ZZEF1: variants seen among roughly 807,000 people sequenced by gnomAD.
ZZEF1 encodes zinc finger ZZ-type and EF-hand domain-containing protein 1.
In ZZEF1, 157 loss-of-function variants were observed where a neutral mutation model predicts 342.8. The observed-to-expected ratio is 0.46, with a 90% CI of 0.40 to 0.52. The LOEUF is 0.52. ZZEF1 is among the 20% of genes least tolerant of loss of function. ZZEF1 has a pLI of 0.00. For synonymous variants in ZZEF1, 1,505 were observed against 1,429.1 expected, an observed-to-expected ratio of 1.05 and a Z score of -1.20; for missense variants, 3,480 against 3,725.6, an observed-to-expected ratio of 0.93 and a Z score of 1.72.
In ZZEF1 at chr17:4,070,893, T is replaced by C; in HGVS notation, c.3866A>G (p.His1289Arg). ...TGACTGGGCAAAATCAAGAAGAAAA[T>C]GGCGGCAGGGGTCGTCAGGAATGTT... ...VKNIPDDPCRHFLLDFAQSEP... is the reference protein window; with the variant it reads ...VKNIPDDPCRRFLLDFAQSEP... Residue 1289 changes from histidine to arginine, a missense_variant, in exon 26 of 55, where the codon CAT becomes CGT. By Grantham distance (29) the His-to-Arg change is conservative. This residue lies in a region of ZZEF1 where 1,528 missense variants were observed against 1,624.1 expected (regional missense o/e 0.94). Transcript: ENST00000381638. The C allele has an allele frequency of 6.2e-7, 1 of 1,613,840 alleles. No individual in the cohort carries two copies. The highest frequency in any genetic ancestry group is 8.5e-7 in the Non-Finnish European group (1 of 1,179,942).
intron 43 of ZZEF1, 86 bp from the exon 44 acceptor site, chr17:4,022,914 C>G: frequency 6.6e-7 from 1 of 1,525,492 alleles, no homozygotes; most frequent in Non-Finnish European, 8.9e-7. Context: ...TTCATTCACT[C>G]TTTCATTCAT....
At chr17:4,022,463 T>C (rs970870418) in intron 44 of ZZEF1, 30 of 437,298 alleles carry the variant, frequency 6.9e-5, no homozygotes, top group Middle Eastern at 6.4e-4. Flanking sequence ...GTTAATCATG[T>C]GTTTCCATAA....
chr17:4,063,728 ATTT>A (rs549620718), intron 29 of ZZEF1, among the ~76,000 whole-genome samples: 1 of 130,748 alleles, frequency 7.6e-6, no homozygotes. Flanking sequence ...CACTCAGGTC[ATTT>A]TTTTTTTTTT....
chr17:4,036,731 T>TAA (rs1258744106), intron 39 of ZZEF1, among the ~76,000 whole-genome samples: 1 of 105,190 alleles, frequency 9.5e-6, no homozygotes, highest in Admixed American at 1.1e-4. Context: ...AACTCCATCT[T>TAA]CAAAAAAAAA....
intron 14 of ZZEF1, among the ~76,000 whole-genome samples, chr17:4,086,987 T>C (rs2057843715): frequency 6.6e-6 from 1 of 152,194 alleles, no homozygotes; most frequent in Non-Finnish European, 1.5e-5. Flanking sequence ...GTTCAAGCAA[T>C]TCTTCCGCCT....
intron 39 of ZZEF1, among the ~76,000 whole-genome samples, chr17:4,038,808 A>AAAACAAAC (rs148859871): frequency 8.9e-4 from 134 of 151,280 alleles, no homozygotes; most frequent in Admixed American, 2.6e-3. Flanking sequence ...TCTGTCTCAA[A>AAAACAAAC]AAACAAACAA....
At chr17:4,078,064 G>A in intron 18 of ZZEF1, 22 bp from the exon 19 acceptor site, 1 of 1,605,328 alleles carries the variant, frequency 6.2e-7, no homozygotes, top group Non-Finnish European at 8.5e-7. Context: ...GAGACAAACA[G>A]AAAGTGTTCG....
chr17:4,092,601 G>A (rs926646012), intron 11 of ZZEF1, among the ~76,000 whole-genome samples: 6 of 152,098 alleles, frequency 3.9e-5, no homozygotes, highest in African/African-American at 1.4e-4. Context: ...GAGCCACTGT[G>A]CCCGGCAAAA....
chr17:4,095,957 G>A lies in ZZEF1; in HGVS notation c.1787C>T (p.Ala596Val). The A allele has an allele frequency of 6.2e-7, 1 of 1,611,024 alleles. No homozygotes were observed. Among genetic ancestry groups the A allele is most frequent in the Non-Finnish European group, 8.5e-7 (1 of 1,178,070 alleles). Reference protein sequence around the residue: ...RIMVRRGGIGAQCGLVFAYNS... With the variant: ...RIMVRRGGIGVQCGLVFAYNS... ...ATAGGCAAACACCAACCCACACTGG[G>A]CACCAATGCCACCACGTCGAACCTG... Residue 596 changes from alanine to valine, a missense_variant, in exon 11 of 55, where the codon GCC (alanine) becomes GTC (valine). Physicochemically the swap from Ala to Val is moderately conservative, Grantham distance 64. Transcript: ENST00000381638.
chr17:4,052,877 C>T (rs781851), intron 34 of ZZEF1, among the ~76,000 whole-genome samples: 2 of 122,524 alleles, frequency 1.6e-5, no homozygotes, highest in African/African-American at 3.5e-5. Flanking sequence ...GGGAGGGCGG[C>T]GGGGGAGAAA....
intron 42 of ZZEF1, 120 bp from the exon 43 acceptor site, chr17:4,025,238 T>C: frequency 1.0e-6 from 1 of 969,586 alleles, no homozygotes; most frequent in South Asian, 1.5e-5. Flanking sequence ...CATAAATCTC[T>C]CGGGCTCAGT....
chr17:4,047,656 A>G (rs1056447347), intron 37 of ZZEF1, among the ~76,000 whole-genome samples: 5 of 147,352 alleles, frequency 3.4e-5, no homozygotes, highest in Non-Finnish European at 7.5e-5. Context: ...AAAAATAAGA[A>G]AAGTGGCCGG....
intron 35 of ZZEF1, 89 bp from the exon 36 acceptor site, chr17:4,051,132 G>T: frequency 6.4e-7 from 1 of 1,574,532 alleles, no homozygotes; most frequent in Non-Finnish European, 8.7e-7. Flanking sequence ...GAGAGCATGT[G>T]GTCGCAACTG....
intron 1 of ZZEF1, among the ~76,000 whole-genome samples, chr17:4,130,309 C>G (rs2058643177): frequency 6.6e-6 from 1 of 151,924 alleles, no homozygotes; most frequent in Non-Finnish European, 1.5e-5. Flanking sequence ...AAAAATTAGC[C>G]GGGCGTGGTG....
Position 4,012,370 on chromosome 17 carries a change from G to GA in ZZEF1, c.8579+1078dup, listed in dbSNP as rs542686155. Among the ~76,000 whole-genome samples, 5 of 152,322 alleles carry GA rather than the reference G, an allele frequency of 3.3e-5. No individual in the cohort carries two copies. In the East Asian group the frequency reaches 9.6e-4, roughly 29 times the overall value. ...ATCTTGTTCTCTCCCCTGACTTTGA[G>GA]AGTCCTTTGTTATTTTAATGACAGT... On this transcript the variant is annotated intron_variant, in intron 52 of 54. Coordinates refer to ENST00000381638, the MANE Select transcript of ZZEF1 (RefSeq NM_015113.4).
chr17:4,109,014 A>G (rs1165524685), intron 6 of ZZEF1, among the ~76,000 whole-genome samples: 1 of 152,262 alleles, frequency 6.6e-6, no homozygotes, highest in East Asian at 1.9e-4. Context: ...GTGCTGCTAT[A>G]GCTGGTTGTA....
intron 45 of ZZEF1, 130 bp from the exon 46 acceptor site, chr17:4,019,899 T>C (rs547094634): frequency 2.1e-5 from 13 of 613,706 alleles, no homozygotes; most frequent in African/African-American, 1.7e-4. Flanking sequence ...GAACATTATA[T>C]GGGTAGTTTA....
intron 3 of ZZEF1, among the ~76,000 whole-genome samples, chr17:4,116,252 G>C (rs1028314711): frequency 1.3e-5 from 2 of 152,216 alleles, no homozygotes; most frequent in Non-Finnish European, 2.9e-5. Context: ...CCAGGAGGTG[G>C]AGGCTGCAGA....
chr17:4,007,985 CGAT>C lies in ZZEF1; in HGVS notation c.8805+895_8805+897del, dbSNP rs370915515. ...GGGTGGGGGTGTTGGGCCACACACGCGATGATATTCAAGGAGTCCAAGGTTCTC... is the reference window on the plus strand; with the variant it reads ...GGGTGGGGGTGTTGGGCCACACACGCGATATTCAAGGAGTCCAAGGTTCTC... On this transcript the variant is annotated intron_variant, in intron 54 of 54. Coordinates refer to ENST00000381638, the MANE Select transcript of ZZEF1 (RefSeq NM_015113.4). 2.0e-4 allele frequency among the ~76,000 whole-genome samples: 31 copies of C among 151,938 alleles called. No homozygotes were observed. The East Asian group carries it at 5.8e-3, about 29-fold the overall frequency.
Sources: gnomAD v4.1 joint callset for allele counts (sites outside exome capture counted in the v4.1 genomes callset) on GRCh38, gnomAD v4.1.1 for gene constraint, gnomAD v4.1.1 regional missense constraint, MANE v1.5 for transcripts, NCBI Gene and HGNC (gene_info 2026-07-23, HGNC 2026-07-21) for gene names.